Variants in MRPS35 observed in about 807,000 individuals in gnomAD.
MRPS35 encodes small ribosomal subunit protein mS35.
In MRPS35, 29 loss-of-function variants were observed where a neutral mutation model predicts 32.7. The observed-to-expected ratio is 0.89, with a 90% CI of 0.66 to 1.21. The LOEUF is 1.21. Among genes scored for constraint, MRPS35 ranks in the 50% most tolerant of loss-of-function variants. The pLI is 0.00. For missense variants in MRPS35, 373 were observed against 383.8 expected, an observed-to-expected ratio of 0.97 and a Z score of 0.23; for synonymous variants, 148 against 139.3, an observed-to-expected ratio of 1.06 and a Z score of -0.44.
At chr12:27,721,040 G>A (rs117398180) in intron 4 of MRPS35, among the ~76,000 whole-genome samples, 2,184 of 152,234 alleles carry the variant, frequency 0.014, 34 homozygotes, top group Non-Finnish European at 0.019. Flanking sequence ...TACTTACTAA[G>A]GCTTTTCAGG....
chr12:27,745,230 T>G (rs2140780107), intron 7 of MRPS35, among the ~76,000 whole-genome samples: 1 of 152,336 alleles, frequency 6.6e-6, no homozygotes, highest in Middle Eastern at 3.4e-3. Context: ...AGGTGAAGAA[T>G]CAAACAGCTT....
chr12:27,722,747 C>T (rs1007217331), intron 4 of MRPS35, among the ~76,000 whole-genome samples: 5 of 152,100 alleles, frequency 3.3e-5, no homozygotes, highest in African/African-American at 7.2e-5. Context: ...TCAAAACGAC[C>T]GGGTATTGAT....
At chr12:27,719,931 G>A in intron 4 of MRPS35, 63 bp downstream of exon 4, 2 of 1,173,024 alleles carry the variant, frequency 1.7e-6, no homozygotes, top group Non-Finnish European at 2.5e-6. Flanking sequence ...AAGAATCTCT[G>A]TTCTGATATA....
chr12:27,728,948 G>A (rs182534944), intron 5 of MRPS35, among the ~76,000 whole-genome samples: 21 of 152,244 alleles, frequency 1.4e-4, no homozygotes, highest in African/African-American at 4.8e-4. Flanking sequence ...TCAGGGGCAC[G>A]TAAAGTCTGG....
chr12:27,751,035 G>A (rs935519774), intron 7 of MRPS35, among the ~76,000 whole-genome samples: 9 of 139,946 alleles, frequency 6.4e-5, no homozygotes, highest in African/African-American at 2.3e-4. Flanking sequence ...CCCAGGAGGC[G>A]GAGGTTGCAG....
At chr12:27,725,767 C>G (rs1331440699) in intron 5 of MRPS35, 1 of 140,700 alleles carries the variant, frequency 7.1e-6, no homozygotes, top group Admixed American at 7.0e-5. Context: ...GTCATTTGCT[C>G]ATTTTGGTGG....
At chr12:27,743,310 C>T (rs2061970893) in intron 7 of MRPS35, among the ~76,000 whole-genome samples, 1 of 151,726 alleles carries the variant, frequency 6.6e-6, no homozygotes, top group Non-Finnish European at 1.5e-5. Flanking sequence ...GGTGGATCAC[C>T]TGAGGTCAGG....
chr12:27,714,778 A>G lies in MRPS35; in HGVS notation c.113-2A>G, dbSNP rs1421151188. 6.2e-7 allele frequency: 1 copy of G among 1,609,252 alleles called. No individual in the cohort carries two copies. Among genetic ancestry groups the G allele is most frequent in the Admixed American group, 1.7e-5 (1 of 59,784 alleles). On this transcript the variant is annotated splice_acceptor_variant, in intron 1 of 7. Transcript: ENST00000081029. LOFTEE classifies it high-confidence loss of function. ...AACTACTGTGTTATCTTTTACGTAC[A>G]GCGGAAAGAACACCCGGAAATGAAA...
chr12:27,725,021 A>G (rs758907446), intron 5 of MRPS35, among the ~76,000 whole-genome samples: 6 of 152,130 alleles, frequency 3.9e-5, no homozygotes, highest in Non-Finnish European at 5.9e-5. Context: ...GGTTCAATTG[A>G]TTGTCCTGCC....
At chr12:27,747,678 A>T (rs2061985933) in intron 7 of MRPS35, among the ~76,000 whole-genome samples, 1 of 152,212 alleles carries the variant, frequency 6.6e-6, no homozygotes, top group African/African-American at 2.4e-5. Flanking sequence ...AGGCAAAGAG[A>T]GTTGTAAATA....
intron 7 of MRPS35, among the ~76,000 whole-genome samples, chr12:27,741,435 A>G (rs1285456321): frequency 2.6e-5 from 4 of 152,174 alleles, no homozygotes; most frequent in South Asian, 2.1e-4. Flanking sequence ...TGGGCTCTCC[A>G]TAAGCATCTA....
At position 27,734,304 on chromosome 12, in the gene MRPS35, G is replaced by A. The variant is rs903897802; in HGVS notation, c.523-1143G>A. Among the ~76,000 whole-genome samples, 8 of 149,418 alleles carry A rather than the reference G, an allele frequency of 5.4e-5. No homozygotes were observed. In the East Asian group the frequency reaches 7.9e-4, roughly 15 times the overall value. ...GTTGCCCAGGCTGGAGTGCAATGGC[G>A]CGATTTCAGCTCACCAAAACCTCCG... On this transcript the variant is annotated intron_variant, in intron 5 of 7. Coordinates refer to ENST00000081029, the MANE Select transcript of MRPS35 (RefSeq NM_021821.4).
In MRPS35 at chr12:27,755,770, G is replaced by A. The variant is rs2062023852; in HGVS notation, c.*320G>A. ...ACCTTTCCCATTTCTTTCCCCACAA[G>A]CTGGCATTTCAGTAGTTGCTTTTGA... On this transcript the variant is annotated 3_prime_UTR_variant, in exon 8 of 8. Coordinates refer to ENST00000081029, the MANE Select transcript of MRPS35 (RefSeq NM_021821.4). The A allele has an allele frequency of 6.2e-6, 1 of 161,980 alleles. No individual in the cohort carries two copies. Among genetic ancestry groups the A allele is most frequent in the Non-Finnish European group, 1.3e-5 (1 of 75,088 alleles). 10.0% of individuals were successfully genotyped at this position (161,980 alleles called of 1,614,324 possible).
chr12:27,751,461 TAACAGCTTTCTTACACTAGCTCTCTTATG>T (rs2062003074), intron 7 of MRPS35, among the ~76,000 whole-genome samples: 1 of 152,086 alleles, frequency 6.6e-6, no homozygotes. Flanking sequence ...CAGCTCAAAT[TAACAGCTTTCTTACACTAGCTCTCTTATG>T]AACAGCTTTT....
At chr12:27,733,028 A>ATCTATC (rs1565468109) in intron 5 of MRPS35, among the ~76,000 whole-genome samples, 1 of 124,742 alleles carries the variant, frequency 8.0e-6, no homozygotes, top group Admixed American at 7.6e-5. Flanking sequence ...ATATATATAT[A>ATCTATC]TATATATATA....
At chr12:27,720,209 T>C (rs946941636) in intron 4 of MRPS35, among the ~76,000 whole-genome samples, 26 of 151,966 alleles carry the variant, frequency 1.7e-4, no homozygotes, top group African/African-American at 5.8e-4. Flanking sequence ...CTGGCCAACA[T>C]AGTGAAACCC....
rs1348445238 is a variant in MRPS35, at chr12:27,716,347, C to A, written c.210C>A (p.Tyr70Ter). 1.2e-6 allele frequency: 2 copies of A among 1,613,974 alleles called. No homozygotes were observed. Among genetic ancestry groups the A allele is most frequent in the Admixed American group, 3.3e-5 (2 of 59,996 alleles). The change falls in exon 3 of 8, where the codon TAC becomes TAA. Residue 70 changes from tyrosine (Y) to a stop codon, truncating the protein, a stop_gained. Transcript: ENST00000081029. LOFTEE classifies it high-confidence loss of function. ...MAVDQDWPSV[Y>*]PVAAPFKPSA... ...TTGACCAGGACTGGCCTAGTGTTTA[C>A]CCAGTTGCAGCACCATTTAAACCCT...
At chr12:27,751,122 A>AAG (rs1591804351) in intron 7 of MRPS35, among the ~76,000 whole-genome samples, 2 of 148,364 alleles carry the variant, frequency 1.3e-5, no homozygotes, top group Non-Finnish European at 3.0e-5. Flanking sequence ...AAAAAAAAAA[A>AAG]AAAAGAAAAG....
At position 27,724,109 on chromosome 12, in the gene MRPS35, A is replaced by G. The variant is rs1457260965; in HGVS notation, c.445A>G (p.Ile149Val). The G allele has an allele frequency of 3.7e-6, 6 of 1,613,510 alleles. No homozygotes were observed. The highest frequency in any genetic ancestry group is 2.2e-5 in the South Asian group (2 of 90,926). ...SDEKCEKHFP[I>V]EIDSTDYVSS... ...CGAGAAATGTGAGAAGCATTTTCCA[A>G]TTGAAATTGACAGCACTGATTATGT... is the stretch of plus-strand genomic sequence containing the variant. The change falls in exon 5 of 8, where the codon ATT becomes GTT. Residue 149 changes from isoleucine (I) to valine (V), a missense_variant. Transcript: ENST00000081029.
Sources: allele counts gnomAD v4.1 joint callset (sites outside exome capture counted in the v4.1 genomes callset), GRCh38; gene constraint gnomAD v4.1.1; transcripts MANE v1.5; gene names NCBI Gene and HGNC (gene_info 2026-07-23, HGNC 2026-07-21).